GAMT: variants seen among roughly 807,000 people sequenced by gnomAD.
The protein encoded by GAMT is guanidinoacetate N-methyltransferase.
A neutral mutation model predicts 26.9 loss-of-function variants in GAMT; 26 were observed. The ratio of observed to expected loss-of-function variants is 0.97; its 90% CI spans 0.71 to 1.34. GAMT has a LOEUF of 1.34. Ranked by LOEUF, GAMT falls within the 40% of genes most tolerant of loss-of-function variation. The pLI, the probability that GAMT is intolerant of heterozygous loss-of-function variation, is 0.00. For missense variants in GAMT, 412 were observed against 345.0 expected (o/e 1.19, Z -1.54); for synonymous variants, 169 against 149.6 (o/e 1.13, Z -0.95).
rs558767159 is a variant in GAMT at position 1,397,270 on chromosome 19, G to T, written c.*89C>A. 1,188 of 1,455,866 alleles carry T rather than the reference G, an allele frequency of 8.2e-4. 3 individuals carry two copies. In the African/African-American group the frequency reaches 0.01, roughly 12 times the overall value. 90.2% of individuals were successfully genotyped at this position (1,455,866 alleles called of 1,614,324 possible). A position where few individuals can be genotyped will look rare whatever the true frequency, so the allele number is the denominator to read the frequency against. ...GAAAGCTTCTGGTGACACACAGCTG[G>T]GATCAGCCCAGGGCTGGTGCGACAC... On this transcript the variant is annotated 3_prime_UTR_variant, in exon 6 of 6. Coordinates refer to ENST00000252288, the MANE Select transcript of GAMT (RefSeq NM_000156.6).
At chr19:1,397,912 G>T in intron 5 of GAMT, 1 of 1,104,548 alleles carries the variant, frequency 9.1e-7, no homozygotes, top group South Asian at 2.4e-5. Context: ...ACCACATAGA[G>T]CCCTTCTCAG....
In GAMT at chr19:1,399,001, G is replaced by A. The variant is rs761599682; in HGVS notation, c.485C>T (p.Pro162Leu). ...GTTGCAGTAGGTGAGGACGCCCCCC[G>A]GCTTCAGCAGGCGAAAGGCGTGGTT... ...IKNHAFRLLKPGGVLTYCNLT... is the reference protein window; with the variant it reads ...IKNHAFRLLKLGGVLTYCNLT... The change falls in exon 5 of 6, where the codon CCG becomes CTG. Residue 162 changes from proline to leucine, a missense_variant. Physicochemically the swap from Pro to Leu is moderately conservative, Grantham distance 98 (BLOSUM62 -3). Transcript: ENST00000252288. This position sits in a 1 kb window ranked among gnomAD's most constrained non-coding sequence, Gnocchi z 6.2. The A allele has an allele frequency of 1.4e-5, 23 of 1,613,456 alleles. No individual in the cohort carries two copies. Among genetic ancestry groups the A allele is most frequent in the South Asian group, 3.3e-5 (3 of 91,088 alleles).
At chr19:1,398,030 C>G in intron 5 of GAMT, 1 of 1,018,148 alleles carries the variant, frequency 9.8e-7, no homozygotes, top group Non-Finnish European at 1.2e-6. Flanking sequence ...AGGGCTTAGG[C>G]TGAACCACAG....
rs2144637411 is a variant in GAMT, at chr19:1,399,524, C to G, written c.391G>C (p.Gly131Arg). ...APTLPDGHFDGILYDTYPLSE... is the reference protein window; with the variant it reads ...APTLPDGHFDRILYDTYPLSE... ...TGTGATACGTCCCCTCACCCCTCACCATCAAAGTGACCGTCAGGCAGGGTG... is the reference window on the plus strand; with the variant it reads ...TGTGATACGTCCCCTCACCCCTCACGATCAAAGTGACCGTCAGGCAGGGTG... The change falls in exon 3 of 6, where the codon GGG becomes CGG. Residue 131 changes from glycine to arginine, a missense_variant and splice_region_variant. Gly to Arg is a moderately radical substitution (Grantham distance 125). Transcript: ENST00000252288. This position sits in a 1 kb window ranked among gnomAD's most constrained non-coding sequence, Gnocchi z 6.2. The G allele has an allele frequency of 6.2e-7, 1 of 1,612,578 alleles. No individual in the cohort carries two copies. Among genetic ancestry groups the G allele is most frequent in the East Asian group, 2.2e-5 (1 of 44,874 alleles).
intron 5 of GAMT, chr19:1,398,416 TA>T: frequency 2.7e-6 from 1 of 369,024 alleles, no homozygotes; most frequent in East Asian, 4.4e-5. Context: ...ATTTTTTTTT[TA>T]AATTTTCTTT....
rs2082624054 is a variant in GAMT, at chr19:1,399,921, C to T, written c.199G>A (p.Val67Met). Residue 67 changes from valine (V) to methionine (M), a missense_variant, in exon 2 of 6, where the codon GTG becomes ATG. Val to Met is a conservative substitution (Grantham distance 21). Transcript: ENST00000252288. The surrounding 1 kb of genome is among the most constrained non-coding windows in gnomAD (Gnocchi z 6.2). The part of the protein sequence containing the change: ...ASSKGGRVLE[V>M]GFGMAIAASK... ...GCTGCGATGGCCATGCCAAAGCCCACCTCCAGGACCCGGCCCCCTGGGCAG... is the reference window on the plus strand; with the variant it reads ...GCTGCGATGGCCATGCCAAAGCCCATCTCCAGGACCCGGCCCCCTGGGCAG... The T allele has an allele frequency of 3.1e-6, 5 of 1,607,728 alleles. No homozygotes were observed. Among genetic ancestry groups the T allele is most frequent in the East Asian group, 4.5e-5 (2 of 44,722 alleles).
At position 1,399,809 on chromosome 19, in the gene GAMT, G is replaced by A. The variant is rs368864187; in HGVS notation, c.311C>T (p.Pro104Leu). ...GAGGGGCACCTTGTGTGTCTGCCGTGGGGCCCAGTCCCGGAGCCGCTGGAA... is the reference window on the plus strand; with the variant it reads ...GAGGGGCACCTTGTGTGTCTGCCGTAGGGCCCAGTCCCGGAGCCGCTGGAA... Reference protein sequence around the residue: ...GVFQRLRDWAPRQTHKVIPLK... With the variant: ...GVFQRLRDWALRQTHKVIPLK... Residue 104 changes from proline (P) to leucine (L), a missense_variant, in exon 2 of 6, where the codon CCA becomes CTA. Pro to Leu is a moderately conservative substitution (Grantham distance 98). Transcript: ENST00000252288. The surrounding 1 kb of genome is among the most constrained non-coding windows in gnomAD (Gnocchi z 6.2). 24 of 1,573,084 alleles carry A rather than the reference G, an allele frequency of 1.5e-5. No individual in the cohort carries two copies. In the East Asian group the frequency reaches 1.9e-4, roughly 12 times the overall value.
At position 1,397,623 on chromosome 19, in the gene GAMT, G is replaced by A. The variant is rs556444955; in HGVS notation, c.571-124C>T. On this transcript the variant is annotated intron_variant, in intron 5 of 5. Coordinates refer to ENST00000252288, the MANE Select transcript of GAMT (RefSeq NM_000156.6). Reference sequence around the variant, plus strand: ...CCGGGTGGGCGGCTGCAGCTCCCGTGGGCACGTGGCAGGGCAGCCCTGGAA... The same window carrying A: ...CCGGGTGGGCGGCTGCAGCTCCCGTAGGCACGTGGCAGGGCAGCCCTGGAA... 14 of 1,477,550 alleles carry A rather than the reference G, an allele frequency of 9.5e-6. No homozygotes were observed. The African/African-American group carries it at 1.1e-4, about 12-fold the overall frequency. 91.5% of individuals were successfully genotyped at this position (1,477,550 alleles called of 1,614,324 possible).
intron 5 of GAMT, chr19:1,398,404 C>T (rs1029522739): frequency 2.9e-6 from 1 of 341,004 alleles, no homozygotes; most frequent in Non-Finnish European, 5.3e-6. Flanking sequence ...AGCCTGATTT[C>T]CATTTTTTTT....
At chr19:1,400,656 C>A (rs921523942) in intron 1 of GAMT, among the ~76,000 whole-genome samples, 8 of 152,212 alleles carry the variant, frequency 5.3e-5, no homozygotes, top group Non-Finnish European at 1.0e-4. Context: ...TTGAGACTAT[C>A]TGGGAGGGGA....
Position 1,399,084 on chromosome 19 carries a change from T to C in GAMT, c.459+44A>G. ...GAGGTGGGGGTGTGGGCAGAGGGGC[T>C]TCCCCGAGGGCCTCCCGCATCCCAG... On this transcript the variant is annotated intron_variant, in intron 4 of 5. Transcript: ENST00000252288. The surrounding 1 kb of genome is among the most constrained non-coding windows in gnomAD (Gnocchi z 6.2). 6.2e-7 allele frequency: 1 copy of C among 1,613,096 alleles called. No homozygotes were observed. Among genetic ancestry groups the C allele is most frequent in the Non-Finnish European group, 8.5e-7 (1 of 1,179,832 alleles).
intron 5 of GAMT, 118 bp from the exon 6 acceptor site, chr19:1,397,617 T>C (rs1021759475): frequency 1.1e-4 from 168 of 1,493,600 alleles, no homozygotes; most frequent in Middle Eastern, 5.5e-4. Flanking sequence ...CGGCTGCAGC[T>C]CCCGTGGGCA....
At position 1,397,258 on chromosome 19, in the gene GAMT, G is replaced by A. The variant is rs2082605069; in HGVS notation, c.*101C>T. 1 of 1,394,842 alleles carries A rather than the reference G, an allele frequency of 7.2e-7. No individual in the cohort carries two copies. Among genetic ancestry groups the A allele is most frequent in the African/African-American group, 1.4e-5 (1 of 70,260 alleles). The allele number at this position is 1,394,842 out of a possible 1,614,324, so 86.4% of individuals were successfully genotyped here. ...CAGAGAAGCCGGGAAAGCTTCTGGT[G>A]ACACACAGCTGGGATCAGCCCAGGG... On this transcript the variant is annotated 3_prime_UTR_variant, in exon 6 of 6. Coordinates refer to ENST00000252288, the MANE Select transcript of GAMT (RefSeq NM_000156.6).
chr19:1,400,214 G>A (rs1190944010), intron 1 of GAMT, among the ~76,000 whole-genome samples: 1 of 146,534 alleles, frequency 6.8e-6, no homozygotes, highest in Non-Finnish European at 1.5e-5. Flanking sequence ...GGGCTGGGGA[G>A]GCTGTCTGGA....
In GAMT at chr19:1,401,507, T is replaced by C. The variant is rs578080158; in HGVS notation, c.-31A>G. On this transcript the variant is annotated 5_prime_UTR_variant, in exon 1 of 6. Transcript: ENST00000252288. ...AGGCTGGACGGCGACCCGACCTCGA[T>C]CGCGCGCCGCCCGGGCCCGCTCCCT... 4.3e-5 allele frequency: 56 copies of C among 1,288,006 alleles called. No individual in the cohort carries two copies. In the African/African-American group the frequency reaches 6.4e-4, roughly 15 times the overall value. The allele number at this position is 1,288,006 out of a possible 1,614,324, so 79.8% of individuals were successfully genotyped here. A position where few individuals can be genotyped will look rare whatever the true frequency, so the allele number is the denominator to read the frequency against.
chr19:1,397,976 G>T, intron 5 of GAMT: 1 of 1,036,746 alleles, frequency 9.6e-7, no homozygotes, highest in Non-Finnish European at 1.2e-6. Flanking sequence ...TGCTGAACCA[G>T]CAAAGACAGC....
chr19:1,398,386 C>G (rs1393303540), intron 5 of GAMT: 1 of 292,766 alleles, frequency 3.4e-6, no homozygotes, highest in African/African-American at 2.2e-5. Flanking sequence ...GTGTGAGCCA[C>G]CACGCCCAGC....
At chr19:1,397,759 TCTC>T in intron 5 of GAMT, 1 of 1,381,194 alleles carries the variant, frequency 7.2e-7, no homozygotes, top group Non-Finnish European at 9.4e-7. Context: ...ACTCCACAGT[TCTC>T]CAGACCTTGC....
rs2144632838 is a variant in GAMT at position 1,397,128 on chromosome 19, C to T, written c.*231G>A. 5.3e-6 allele frequency: 3 copies of T among 564,302 alleles called. No individual in the cohort carries two copies. Among genetic ancestry groups the T allele is most frequent in the South Asian group, 4.8e-5 (2 of 41,546 alleles). 35.0% of individuals were successfully genotyped at this position (564,302 alleles called of 1,614,324 possible). ...CCAAGCCCAGCGCCGGCGTTTACTT[C>T]ACCTCAGGGACCCTGCAGTGGGCAG... On this transcript the variant is annotated 3_prime_UTR_variant, in exon 6 of 6. Transcript: ENST00000252288.
Sources: allele counts gnomAD v4.1 joint callset (sites outside exome capture counted in the v4.1 genomes callset), GRCh38; gene constraint gnomAD v4.1.1; non-coding constraint Gnocchi (gnomAD v3.1); transcripts MANE v1.5; gene names NCBI Gene and HGNC (gene_info 2026-07-23, HGNC 2026-07-21).